ARHGAP4: variants seen among roughly 807,000 people sequenced by gnomAD.
ARHGAP4 encodes the protein rho GTPase-activating protein 4.
In ARHGAP4, 25 loss-of-function variants were observed where a neutral mutation model predicts 67.6. The observed-to-expected ratio is 0.37, with a 90% CI of 0.27 to 0.52. The LOEUF is 0.52. Ranked by LOEUF, ARHGAP4 falls within the 20% of genes least tolerant of loss-of-function variation. ARHGAP4 has a pLI of 0.92. For missense variants in ARHGAP4, 804 were observed against 854.6 expected, an observed-to-expected ratio of 0.94 and a Z score of 0.74; for synonymous variants, 448 against 373.7, an observed-to-expected ratio of 1.20 and a Z score of -2.29.
At chrX:153,925,903 G>A (rs374404105) in intron 1 of ARHGAP4, among the ~76,000 whole-genome samples, 31 of 113,114 alleles carry the variant, frequency 2.7e-4, no homozygotes, top group African/African-American at 9.3e-4. Flanking sequence ...GACCCAAGGA[G>A]GACAGAGACC....
intron 1 of ARHGAP4, 119 bp downstream of exon 1, chrX:153,926,017 G>C: frequency 2.0e-6 from 2 of 1,020,139 alleles, no homozygotes; most frequent in Non-Finnish European, 2.6e-6. Context: ...CTCCACCCCC[G>C]CTCCAGAGGT....
intron 1 of ARHGAP4, among the ~76,000 whole-genome samples, chrX:153,923,382 T>C (rs1429124319): frequency 1.8e-5 from 2 of 111,947 alleles, no homozygotes; most frequent in Non-Finnish European, 3.8e-5. Flanking sequence ...CCTCCTCCCC[T>C]GATCTCCTAT....
At chrX:153,925,235 A>G (rs1557105945) in intron 1 of ARHGAP4, among the ~76,000 whole-genome samples, 1 of 111,629 alleles carries the variant, frequency 9.0e-6, no homozygotes, top group African/African-American at 3.3e-5. Flanking sequence ...CTTTGGTATA[A>G]ATTGCTTGCA....
intron 7 of ARHGAP4, among the ~76,000 whole-genome samples, chrX:153,915,525 T>C (rs1225525278): frequency 9.0e-6 from 1 of 111,074 alleles, no homozygotes; most frequent in Non-Finnish European, 1.9e-5. Context: ...GGCAATATGG[T>C]AAAACCCTGA....
rs186665697 is a variant in ARHGAP4, at chrX:153,920,850, C to T, written c.499-42G>A. On this transcript the variant is annotated intron_variant, in intron 4 of 21. Transcript: ENST00000350060. ...AGCAAGGTGGTGCTGGTGAAGGCCA[C>T]GGCTGGGCCAGCCCCCAGCCCTCTA... 51 of 1,198,266 alleles carry T rather than the reference C, an allele frequency of 4.3e-5. No individual in the cohort carries two copies. In the African/African-American group the frequency reaches 5.0e-4, roughly 12 times the overall value.
chrX:153,922,950 G>T (rs2065105359), intron 1 of ARHGAP4, among the ~76,000 whole-genome samples: 1 of 111,067 alleles, frequency 9.0e-6, no homozygotes, highest in South Asian at 3.8e-4. Flanking sequence ...CCAGGGGTGG[G>T]TGGGGACAGG....
At chrX:153,924,275 G>A (rs996518038) in intron 1 of ARHGAP4, among the ~76,000 whole-genome samples, 7 of 111,460 alleles carry the variant, frequency 6.3e-5, no homozygotes, top group South Asian at 3.7e-4. Flanking sequence ...CATCACTGCC[G>A]GCAGCAAAAG....
rs781894783 is a variant in ARHGAP4 at position 153,913,442 on chromosome X, G to A, written c.1293C>T (p.Gly431=). ...AGAAGGTTTCGGTCTCCTGCTGCTG[G>A]CCGCGCCTCCGGCCCGCCTGCCGGC... is the stretch of plus-strand genomic sequence containing the variant. ...PGSRQAGRRR[G]QQQETETFYL... Residue 431 remains glycine (G), a synonymous_variant, in exon 9 of 22, where the codon GGC becomes GGT. Transcript: ENST00000350060. The A allele has an allele frequency of 8.3e-7, 1 of 1,211,232 alleles. No individual in the cohort carries two copies. The highest frequency in any genetic ancestry group is 1.1e-6 in the Non-Finnish European group (1 of 895,238).
At chrX:153,921,904 C>T (rs1405867436) in intron 1 of ARHGAP4, 95 bp from the exon 2 acceptor site, 21 of 1,015,544 alleles carry the variant, frequency 2.1e-5, no homozygotes, top group Admixed American at 2.9e-5. Context: ...ACACAGACCC[C>T]AGTCCCGTCG....
Position 153,907,829 on chromosome X carries a change from C to A in ARHGAP4, c.2741G>T (p.Arg914Leu). ...GGAGAAGCCTTTGTTCCTGCCCAGGCGGCTGCTGGGCGGGGCCTTTGGGCT... is the reference window on the plus strand; with the variant it reads ...GGAGAAGCCTTTGTTCCTGCCCAGGAGGCTGCTGGGCGGGGCCTTTGGGCT... Reference protein sequence around the residue: ...PRSPKAPPSSRLGRNKGFSRG... With the variant: ...PRSPKAPPSSLLGRNKGFSRG... The change falls in exon 22 of 22, where the codon CGC becomes CTC. Residue 914 changes from arginine to leucine, a missense_variant. Arg to Leu is a moderately radical substitution (Grantham distance 102, BLOSUM62 -2). This residue lies in a region of ARHGAP4 where 400 missense variants were observed against 348.7 expected (regional missense o/e 1.15). Transcript: ENST00000350060. The A allele has an allele frequency of 9.9e-7, 1 of 1,012,100 alleles. No homozygotes were observed. 83.4% of individuals were successfully genotyped at this position (1,012,100 alleles called of 1,213,427 possible).
intron 20 of ARHGAP4, 48 bp from the exon 21 acceptor site, chrX:153,909,217 G>A: frequency 1.8e-6 from 2 of 1,105,451 alleles, no homozygotes; most frequent in Non-Finnish European, 2.4e-6. Context: ...AAGTCCCTGA[G>A]CTAGCTGGGC....
chrX:153,913,673 G>T, intron 8 of ARHGAP4, 73 bp from the exon 9 acceptor site: 1 of 1,168,217 alleles, frequency 8.6e-7, no homozygotes, highest in Non-Finnish European at 1.2e-6. Context: ...AAGTCAGAAG[G>T]AAGGGGCCAA....
rs1384674572 is a variant in ARHGAP4, at chrX:153,926,191, G to C, written c.12C>G (p.His4Gln). The change falls in exon 1 of 22, where the codon CAC becomes CAG. Residue 4 changes from histidine (H) to glutamine (Q), a missense_variant. Physicochemically the swap from His to Gln is conservative, Grantham distance 24 (BLOSUM62 0). Around this residue, in one of 2 missense-constraint regions of ARHGAP4, gnomAD observed 404 missense variants for 505.9 expected, o/e 0.80. Coordinates refer to ENST00000350060, the MANE Select transcript of ARHGAP4 (RefSeq NM_001666.5). MAAHGKLRRERGLQ... is the reference protein window; with the variant it reads MAAQGKLRRERGLQ... Reference sequence around the variant, plus strand: ...GCCCCCGCTCCCGCCGCAGCTTCCCGTGAGCGGCCATGGCGGCCTCGCGGC... The same window carrying C: ...GCCCCCGCTCCCGCCGCAGCTTCCCCTGAGCGGCCATGGCGGCCTCGCGGC... 8.3e-7 allele frequency: 1 copy of C among 1,200,575 alleles called. No homozygotes were observed. Among genetic ancestry groups the C allele is most frequent in the African/African-American group, 1.8e-5 (1 of 56,845 alleles).
At chrX:153,911,991 C>T (rs1464278472) in intron 12 of ARHGAP4, among the ~76,000 whole-genome samples, 5 of 111,633 alleles carry the variant, frequency 4.5e-5, no homozygotes, top group African/African-American at 1.6e-4. Context: ...ATATGCTACA[C>T]GCATAACCAC....
rs782547689 is a variant in ARHGAP4, at chrX:153,913,574, C to T, written c.1161G>A (p.Leu387=). ...EEVNKTLKAT[L]QALLEVVASD... is the part of the protein sequence containing the mutation. ...AGGCCACCACCTCCAGCAGGGCCTG[C>T]AGTGTCGCCTTCAGAGTCTTGTTCA... Residue 387 remains leucine, a synonymous_variant, in exon 9 of 22, where the codon CTG becomes CTA. Coordinates refer to ENST00000350060, the MANE Select transcript of ARHGAP4 (RefSeq NM_001666.5). 3.3e-6 allele frequency: 4 copies of T among 1,209,357 alleles called. No homozygotes were observed. The highest frequency in any genetic ancestry group is 4.5e-6 in the Non-Finnish European group (4 of 893,965).
At chrX:153,908,100 C>A (rs1557101715) in intron 21 of ARHGAP4, 138 bp from the exon 22 acceptor site, 4 of 427,169 alleles carry the variant, frequency 9.4e-6, no homozygotes, top group Admixed American at 1.2e-4. Flanking sequence ...AGGTCACTCT[C>A]CCCCACTTTG....
chrX:153,912,189 T>G (rs1212602560), intron 12 of ARHGAP4, among the ~76,000 whole-genome samples: 1 of 108,929 alleles, frequency 9.2e-6, no homozygotes, highest in Non-Finnish European at 1.9e-5. Flanking sequence ...GCCTGGCTAA[T>G]TTTTGTATTT....
intron 12 of ARHGAP4, 63 bp from the exon 13 acceptor site, chrX:153,911,252 CTTTTTTTTT>C: frequency 1.4e-5 from 6 of 423,830 alleles, no homozygotes; most frequent in Admixed American, 6.3e-5. Flanking sequence ...CATTCAATTG[CTTTTTTTTT>C]TTTTTTTTTT....
intron 7 of ARHGAP4, among the ~76,000 whole-genome samples, chrX:153,918,091 G>T (rs2065067558): frequency 8.8e-6 from 1 of 113,008 alleles, no homozygotes; most frequent in Non-Finnish European, 1.9e-5. Context: ...AATTGTCCAA[G>T]GAAGGACATG....
Sources: gnomAD v4.1 joint callset for allele counts (sites outside exome capture counted in the v4.1 genomes callset) on GRCh38, gnomAD v4.1.1 for gene constraint, gnomAD v4.1.1 regional missense constraint, MANE v1.5 for transcripts, NCBI Gene and HGNC (gene_info 2026-07-23, HGNC 2026-07-21) for gene names.